The following ZNF429 variants were observed in gnomAD, a reference collection of about 807,000 sequenced individuals.
ZNF429 encodes zinc finger protein 429.
In ZNF429, 53 loss-of-function variants were observed where a neutral mutation model predicts 56.8. That is an observed-to-expected ratio of 0.93 (90% CI 0.75 to 1.17). The LOEUF is 1.17. Ranked by LOEUF, ZNF429 falls within the 50% of genes most tolerant of loss-of-function variation. The pLI is 0.00. For synonymous variants in ZNF429, 278 were observed against 264.7 expected (o/e 1.05, Z -0.49); for missense variants, 849 against 788.4 (o/e 1.08, Z -0.92).
chr19:21,526,116 C>T (rs956207345), intron 1 of ZNF429, among the ~76,000 whole-genome samples: 2 of 151,992 alleles, frequency 1.3e-5, no homozygotes, highest in African/African-American at 4.8e-5. Context: ...CTTTATTTTA[C>T]TATTTTTTTC....
At chr19:21,530,734 C>T in intron 3 of ZNF429, 50 bp downstream of exon 3, 1 of 1,344,872 alleles carries the variant, frequency 7.4e-7, no homozygotes, top group Non-Finnish European at 1.0e-6. Flanking sequence ...GTCCCAAGGC[C>T]AATAAGAAAG....
In ZNF429 at chr19:21,538,616, A is replaced by G. The variant is rs1014667036; in HGVS notation, c.*538A>G. On this transcript the variant is annotated 3_prime_UTR_variant, in exon 4 of 4. Coordinates refer to ENST00000358491, the MANE Select transcript of ZNF429 (RefSeq NM_001001415.4). Reference sequence around the variant, plus strand: ...CTCTGTCTAAAAAATATATAAATAAATAAAAGAAAGAAAATTCATAGTAGA... The same window carrying G: ...CTCTGTCTAAAAAATATATAAATAAGTAAAAGAAAGAAAATTCATAGTAGA... The G allele has an allele frequency of 5.3e-5, 8 of 152,190 alleles. No homozygotes were observed. The highest frequency in any genetic ancestry group is 1.9e-4 in the African/African-American group (8 of 41,438). The allele number at this position is 152,190 out of a possible 1,614,324, so 9.4% of individuals were successfully genotyped here.
chr19:21,511,644 G>A (rs1182505359), intron 1 of ZNF429, among the ~76,000 whole-genome samples: 2 of 151,452 alleles, frequency 1.3e-5, no homozygotes, highest in Non-Finnish European at 2.9e-5. Flanking sequence ...GGGCGGCCAG[G>A]CAGAGACGCT....
chr19:21,538,003 T>A lies in ZNF429; in HGVS notation c.1950T>A (p.His650Gln). 3 of 1,612,866 alleles carry A rather than the reference T, an allele frequency of 1.9e-6. No homozygotes were observed. Among genetic ancestry groups the A allele is most frequent in the Non-Finnish European group, 2.5e-6 (3 of 1,179,614 alleles). ...TTCATAGGATGGGTGTGGTGGCTCA[T>A]GCCTGTAATCCCAGCACTTTGGGAG... ...KKIHRMGVVA[H>Q]ACNPSTLGGR... is the part of the protein sequence containing the mutation. The change falls in exon 4 of 4, where the codon CAT becomes CAA. Residue 650 changes from histidine (H) to glutamine (Q), a missense_variant. Transcript: ENST00000358491.
At position 21,530,698 on chromosome 19, in the gene ZNF429, A is replaced by T; in HGVS notation, c.226+14A>T. On this transcript the variant is annotated intron_variant, in intron 3 of 3. Transcript: ENST00000358491. ...ATGAACCCCCAGGTAGGTGAGAGTG[A>T]ACACAACAGACAACACAGATGAGAG... The T allele has an allele frequency of 1.9e-6, 3 of 1,594,326 alleles. No homozygotes were observed. In the East Asian group the frequency reaches 6.7e-5, roughly 36 times the overall value.
At chr19:21,519,674 A>T (rs994811714) in intron 1 of ZNF429, among the ~76,000 whole-genome samples, 1 of 152,074 alleles carries the variant, frequency 6.6e-6, no homozygotes, top group African/African-American at 2.4e-5. Context: ...CAGTCTCTGG[A>T]TGTTAATCCA....
At chr19:21,511,861 G>A (rs569166303) in intron 1 of ZNF429, among the ~76,000 whole-genome samples, 16 of 152,272 alleles carry the variant, frequency 1.1e-4, no homozygotes, top group African/African-American at 3.1e-4. Context: ...GATCACTCAC[G>A]GTTAGGAGCT....
In ZNF429 at chr19:21,525,555, G is replaced by C. The variant is rs112904233; in HGVS notation, c.4-4103G>C. Reference sequence around the variant, plus strand: ...ACTGATTAGAAGAGATCAGAGTTTTGGGTGGTATATTTTGCTACCTTTCTA... The same window carrying C: ...ACTGATTAGAAGAGATCAGAGTTTTCGGTGGTATATTTTGCTACCTTTCTA... On this transcript the variant is annotated intron_variant, in intron 1 of 3. Transcript: ENST00000358491. 8.0e-3 allele frequency among the ~76,000 whole-genome samples: 1,215 copies of C among 152,184 alleles called. 19 individuals are homozygous for C. Among genetic ancestry groups the C allele is most frequent in the African/African-American group, 0.027 (1,126 of 41,532 alleles).
chr19:21,508,494 T>G (rs1255142510), intron 1 of ZNF429, among the ~76,000 whole-genome samples: 1 of 152,226 alleles, frequency 6.6e-6, no homozygotes, highest in Non-Finnish European at 1.5e-5. Context: ...CTCCCTGGGT[T>G]TGTCACTTTG....
intron 3 of ZNF429, among the ~76,000 whole-genome samples, chr19:21,532,723 TGG>T: frequency 6.7e-6 from 1 of 150,266 alleles, no homozygotes. Flanking sequence ...TTGGAGACGG[TGG>T]TCTCGCTTTG....
At chr19:21,534,581 G>A in intron 3 of ZNF429, among the ~76,000 whole-genome samples, 1 of 152,024 alleles carries the variant, frequency 6.6e-6, no homozygotes, top group Non-Finnish European at 1.5e-5. Flanking sequence ...TGTTGCCCAG[G>A]CCTGGTCTCA....
At chr19:21,527,106 G>C (rs568152413) in intron 1 of ZNF429, among the ~76,000 whole-genome samples, 1 of 152,324 alleles carries the variant, frequency 6.6e-6, no homozygotes, top group South Asian at 2.1e-4. Context: ...AGAGTCCTGA[G>C]TGGAAGGGAC....
chr19:21,531,060 C>T, intron 3 of ZNF429, among the ~76,000 whole-genome samples: 92 of 129,154 alleles, frequency 7.1e-4, no homozygotes, highest in African/African-American at 2.4e-3. Flanking sequence ...GAGCTGAGAT[C>T]ACATCATTGC....
chr19:21,512,130 C>G (rs1184371768), intron 1 of ZNF429, among the ~76,000 whole-genome samples: 1 of 152,042 alleles, frequency 6.6e-6, no homozygotes, highest in African/African-American at 2.4e-5. Flanking sequence ...TGATTATATG[C>G]TAAACAAGGG....
chr19:21,523,892 G>A (rs1390906261), intron 1 of ZNF429, among the ~76,000 whole-genome samples: 1 of 152,188 alleles, frequency 6.6e-6, no homozygotes, highest in East Asian at 1.9e-4. Context: ...AATACCCAAG[G>A]ATGCAGAGCC....
rs1171512615 is a variant in ZNF429, at chr19:21,536,950, C to T, written c.897C>T (p.Thr299=). Residue 299 remains threonine (T), a synonymous_variant, in exon 4 of 4, where the codon ACC becomes ACT. Transcript: ENST00000358491. The part of the protein sequence containing the change: ...ECGKTFSISS[T]FTKHKIIHTE... ...GCAAAACCTTTAGCATATCCTCAAC[C>T]TTTACTAAACATAAGATAATTCATA... is the stretch of plus-strand genomic sequence containing the variant. The T allele has an allele frequency of 1.2e-6, 2 of 1,611,160 alleles. No homozygotes were observed. Among genetic ancestry groups the T allele is most frequent in the Admixed American group, 1.7e-5 (1 of 59,672 alleles).
At position 21,525,537 on chromosome 19, in the gene ZNF429, A is replaced by G. The variant is rs74423913; in HGVS notation, c.4-4121A>G. Among the ~76,000 whole-genome samples, 3 of 152,288 alleles carry G rather than the reference A, an allele frequency of 2.0e-5. No homozygotes were observed. In the East Asian group the frequency reaches 5.8e-4, roughly 29 times the overall value. ...GGAGCCTTGCCTCACAGAACTGATTAGAAGAGATCAGAGTTTTGGGTGGTA... is the reference window on the plus strand; with the variant it reads ...GGAGCCTTGCCTCACAGAACTGATTGGAAGAGATCAGAGTTTTGGGTGGTA... On this transcript the variant is annotated intron_variant, in intron 1 of 3. Transcript: ENST00000358491.
intron 3 of ZNF429, among the ~76,000 whole-genome samples, chr19:21,534,867 T>C: frequency 6.6e-6 from 1 of 151,292 alleles, no homozygotes; most frequent in South Asian, 2.1e-4. Context: ...TGGAGTGCAG[T>C]GGCGTGATCT....
intron 1 of ZNF429, among the ~76,000 whole-genome samples, chr19:21,523,376 T>C (rs2033050751): frequency 6.6e-6 from 1 of 152,194 alleles, no homozygotes; most frequent in African/African-American, 2.4e-5. Context: ...AAAACCACAA[T>C]TACATTTGCA....
Sources: allele counts gnomAD v4.1 joint callset (sites outside exome capture counted in the v4.1 genomes callset), GRCh38; gene constraint gnomAD v4.1.1; transcripts MANE v1.5; gene names NCBI Gene and HGNC (gene_info 2026-07-23, HGNC 2026-07-21).